Variants in MEGF11 observed in about 807,000 individuals in gnomAD.
The protein encoded by MEGF11 is multiple epidermal growth factor-like domains protein 11.
In MEGF11, 126 loss-of-function variants were observed where a neutral mutation model predicts 146.6. That is an observed-to-expected ratio of 0.86 (90% CI 0.74 to 1.00). The LOEUF (loss-of-function observed/expected upper bound fraction) is 1.00. MEGF11 is among the 50% of genes least tolerant of loss of function. MEGF11 has a pLI of 0.00. For missense variants in MEGF11, 1,509 were observed against 1,521.2 expected (o/e 0.99, Z 0.13); for synonymous variants, 532 against 583.4 (o/e 0.91, Z 1.27).
In MEGF11 at chr15:65,912,077, G is replaced by A. The variant is rs1274038054; in HGVS notation, c.2829+5C>T. 7.3e-6 allele frequency: 9 copies of A among 1,229,790 alleles called. No individual in the cohort carries two copies. Among genetic ancestry groups the A allele is most frequent in the Admixed American group, 4.2e-5 (1 of 23,690 alleles). 76.2% of individuals were successfully genotyped at this position (1,229,790 alleles called of 1,614,324 possible). A position where few individuals can be genotyped will look rare whatever the true frequency, so the allele number is the denominator to read the frequency against. ...GTGGGGGCTGGGGAATCAGGGGCCC[G>A]GTACCTTGGTGGGGCTGTTCCTGTC... On this transcript the variant is annotated splice_donor_5th_base_variant and intron_variant, in intron 21 of 25. Transcript: ENST00000395614.
chr15:66,238,812 A>G (rs1236318795), intron 1 of MEGF11, among the ~76,000 whole-genome samples: 1 of 67,852 alleles, frequency 1.5e-5, no homozygotes, highest in East Asian at 4.9e-4. Flanking sequence ...ACCCCCACCC[A>G]TCACTGCCTC....
chr15:66,185,492 C>A (rs958512602), intron 1 of MEGF11, among the ~76,000 whole-genome samples: 1 of 152,028 alleles, frequency 6.6e-6, no homozygotes, highest in Non-Finnish European at 1.5e-5. Flanking sequence ...TCTGGCAGTG[C>A]CTTAAGGGTA....
chr15:66,208,368 A>G (rs2140117061), intron 1 of MEGF11, among the ~76,000 whole-genome samples: 1 of 152,336 alleles, frequency 6.6e-6, no homozygotes, highest in African/African-American at 2.4e-5. Context: ...CAAAAACACT[A>G]TAGATAAATC....
chr15:66,029,173 C>A (rs1017343949), intron 5 of MEGF11, among the ~76,000 whole-genome samples: 1 of 151,096 alleles, frequency 6.6e-6, no homozygotes, highest in Non-Finnish European at 1.5e-5. Flanking sequence ...TTTTTGGGTG[C>A]CCTCAAATGA....
At chr15:65,922,067 C>T in intron 15 of MEGF11, 1 of 494,434 alleles carries the variant, frequency 2.0e-6, no homozygotes. Context: ...ATCCCTTCAG[C>T]ATGCATGTCG....
intron 5 of MEGF11, among the ~76,000 whole-genome samples, chr15:66,007,600 A>G (rs1363933174): frequency 6.6e-6 from 1 of 152,126 alleles, no homozygotes; most frequent in Non-Finnish European, 1.5e-5. Context: ...AAATACAAAA[A>G]TTAGCCAAGC....
intron 1 of MEGF11, among the ~76,000 whole-genome samples, chr15:66,227,297 G>T (rs1399542902): frequency 6.6e-6 from 1 of 152,064 alleles, no homozygotes; most frequent in Admixed American, 6.6e-5. Flanking sequence ...GATTAAACAG[G>T]ATAACGCGTG....
intron 4 of MEGF11, among the ~76,000 whole-genome samples, chr15:66,117,672 G>A (rs970070935): frequency 1.9e-4 from 29 of 151,986 alleles, no homozygotes; most frequent in African/African-American, 6.0e-4. Flanking sequence ...TCCTACCCCT[G>A]GTCTCATTTC....
intron 1 of MEGF11, among the ~76,000 whole-genome samples, chr15:66,187,782 C>T (rs1222139511): frequency 2.6e-5 from 4 of 152,160 alleles, no homozygotes; most frequent in East Asian, 3.8e-4. Context: ...GCATCCTTAA[C>T]GAAGAGTCCC....
intron 5 of MEGF11, among the ~76,000 whole-genome samples, chr15:66,031,920 G>GGCAGGAGGTGA (rs2140241408): frequency 6.6e-6 from 1 of 152,320 alleles, no homozygotes; most frequent in Non-Finnish European, 1.5e-5. Context: ...CAGGCCACAT[G>GGCAGGAGGTGA]GCAGGAGGTG....
chr15:66,170,908 C>A (rs1275544342), intron 1 of MEGF11, among the ~76,000 whole-genome samples: 1 of 152,218 alleles, frequency 6.6e-6, no homozygotes, highest in Non-Finnish European at 1.5e-5. Flanking sequence ...ACCAGGGCAC[C>A]ACTCGGAGGT....
At chr15:65,994,633 G>A (rs1223221348) in intron 5 of MEGF11, among the ~76,000 whole-genome samples, 1 of 152,210 alleles carries the variant, frequency 6.6e-6, no homozygotes, top group Non-Finnish European at 1.5e-5. Flanking sequence ...GCAGCCGAGA[G>A]TCAGCCAGAA....
At chr15:66,092,402 G>A (rs2086356725) in intron 5 of MEGF11, among the ~76,000 whole-genome samples, 1 of 152,186 alleles carries the variant, frequency 6.6e-6, no homozygotes, top group Non-Finnish European at 1.5e-5. Flanking sequence ...AGATCCAAAA[G>A]TCATGGCTCT....
chr15:65,973,547 G>A (rs558541916), intron 7 of MEGF11, among the ~76,000 whole-genome samples: 1 of 152,308 alleles, frequency 6.6e-6, no homozygotes, highest in Non-Finnish European at 1.5e-5. Context: ...TTGAGCCCAG[G>A]AGTTCAAGGC....
intron 1 of MEGF11, among the ~76,000 whole-genome samples, chr15:66,201,047 G>A (rs943501573): frequency 3.3e-5 from 5 of 152,102 alleles, no homozygotes; most frequent in Non-Finnish European, 5.9e-5. Context: ...GTAGAGTCAG[G>A]ACCACATGGC....
chr15:65,950,827 G>T (rs1447741658), intron 10 of MEGF11, among the ~76,000 whole-genome samples: 1 of 152,222 alleles, frequency 6.6e-6, no homozygotes, highest in Admixed American at 6.5e-5. Context: ...GGGGTCAGCT[G>T]CTCCAGTCCC....
chr15:65,943,564 T>G (rs1345825935), intron 10 of MEGF11, among the ~76,000 whole-genome samples: 2 of 152,174 alleles, frequency 1.3e-5, no homozygotes, highest in Admixed American at 1.3e-4. Context: ...GTGCTCTGCA[T>G]GTATGGAGAG....
intron 4 of MEGF11, among the ~76,000 whole-genome samples, chr15:66,118,750 C>T (rs895896748): frequency 2.0e-5 from 3 of 152,234 alleles, no homozygotes; most frequent in African/African-American, 7.2e-5. Flanking sequence ...CATCTTAACC[C>T]TGTGCCAGGC....
intron 1 of MEGF11, among the ~76,000 whole-genome samples, chr15:66,197,976 G>C (rs2091051064): frequency 6.6e-6 from 1 of 152,228 alleles, no homozygotes; most frequent in Non-Finnish European, 1.5e-5. Flanking sequence ...TGTAATCCCA[G>C]CTACTTGGAA....
Sources: allele counts gnomAD v4.1 joint callset (sites outside exome capture counted in the v4.1 genomes callset), GRCh38; gene constraint gnomAD v4.1.1; transcripts MANE v1.5; gene names NCBI Gene and HGNC (gene_info 2026-07-23, HGNC 2026-07-21).